XRCC4: variants seen among roughly 807,000 people sequenced by gnomAD.
XRCC4 encodes X-ray repair cross complementing 4.
XRCC4 carries 28 observed loss-of-function variants against 39.1 expected under a neutral mutation model. That is an observed-to-expected ratio of 0.72 (90% CI 0.53 to 0.98). The LOEUF is 0.98. Among genes scored for constraint, XRCC4 ranks in the 50% least tolerant of loss-of-function variants. The probability of loss-of-function intolerance (pLI) is 0.00; values close to 1 mark genes in which losing one functional copy is unlikely to be tolerated. For synonymous variants in XRCC4, 123 were observed against 126.4 expected, an observed-to-expected ratio of 0.97 and a Z score of 0.18; for missense variants, 350 against 376.4, an observed-to-expected ratio of 0.93 and a Z score of 0.58.
chr5:83,109,693 A>G (rs370240569), intron 2 of XRCC4, among the ~76,000 whole-genome samples: 24 of 152,048 alleles, frequency 1.6e-4, no homozygotes, highest in African/African-American at 5.8e-4. Flanking sequence ...AACCAAAGTA[A>G]TTGATGAGAA....
rs1580256694 is a variant in XRCC4, at chr5:83,126,094, T to A, written c.315+14891T>A. 2.0e-5 allele frequency among the ~76,000 whole-genome samples: 3 copies of A among 152,270 alleles called. No homozygotes were observed. In the Middle Eastern group the frequency reaches 0.01, roughly 518 times the overall value. ...CTTACTTTGCCTTTCCACATACACTTTTAAAATCAGTTTTACTCTATTTAT... is the reference window on the plus strand; with the variant it reads ...CTTACTTTGCCTTTCCACATACACTATTAAAATCAGTTTTACTCTATTTAT... On this transcript the variant is annotated intron_variant, in intron 3 of 7. Transcript: ENST00000396027.
At chr5:83,220,531 C>T (rs1247259133) in intron 6 of XRCC4, among the ~76,000 whole-genome samples, 1 of 152,124 alleles carries the variant, frequency 6.6e-6, no homozygotes, top group African/African-American at 2.4e-5. Context: ...CACGACTTAA[C>T]TCTGAGGGCC....
the XRCC4 span, among the ~76,000 whole-genome samples, chr5:83,370,599 T>G: frequency 2.6e-5 from 4 of 152,156 alleles, no homozygotes; most frequent in Non-Finnish European, 4.4e-5. Context: ...CCCTTCCACC[T>G]TTAGCCTACC....
At chr5:83,174,937 T>C (rs1404108298) in intron 3 of XRCC4, among the ~76,000 whole-genome samples, 1 of 152,200 alleles carries the variant, frequency 6.6e-6, no homozygotes, top group East Asian at 1.9e-4. Context: ...GGCCTTATAC[T>C]ACTACTCTCT....
At chr5:83,349,372 C>G (rs903696496) in intron 7 of XRCC4, among the ~76,000 whole-genome samples, 3 of 152,132 alleles carry the variant, frequency 2.0e-5, no homozygotes, top group Non-Finnish European at 4.4e-5. Context: ...TACAAAAAGT[C>G]TAACAATAAA....
chr5:83,206,075 G>A (rs1193588899), intron 6 of XRCC4, among the ~76,000 whole-genome samples: 1 of 151,936 alleles, frequency 6.6e-6, no homozygotes, highest in Admixed American at 6.6e-5. Context: ...CGTGTAGGGC[G>A]ATATAGGCTA....
intron 1 of XRCC4, among the ~76,000 whole-genome samples, chr5:83,099,803 A>G (rs1745841630): frequency 1.3e-5 from 2 of 152,120 alleles, no homozygotes; most frequent in Non-Finnish European, 2.9e-5. Context: ...GCCCTAATCA[A>G]TCAGTCCCTC....
intron 1 of XRCC4, among the ~76,000 whole-genome samples, chr5:83,097,356 T>G (rs1038672419): frequency 5.3e-5 from 8 of 152,016 alleles, no homozygotes; most frequent in African/African-American, 9.7e-5. Flanking sequence ...TTTTGTTTTT[T>G]TTTTTTTCCT....
At chr5:83,229,841 G>A (rs1168403345) in intron 6 of XRCC4, among the ~76,000 whole-genome samples, 4 of 151,498 alleles carry the variant, frequency 2.6e-5, no homozygotes, top group Non-Finnish European at 5.9e-5. Flanking sequence ...TTGAATGTTT[G>A]CATTATTAGA....
intron 6 of XRCC4, among the ~76,000 whole-genome samples, chr5:83,256,076 G>C (rs1753527617): frequency 6.6e-6 from 1 of 152,146 alleles, no homozygotes; most frequent in African/African-American, 2.4e-5. Context: ...CAATAGGCAT[G>C]CATTTTGTCA....
chr5:83,080,163 C>T (rs1404165889), intron 1 of XRCC4, among the ~76,000 whole-genome samples: 1 of 152,038 alleles, frequency 6.6e-6, no homozygotes, highest in Non-Finnish European at 1.5e-5. Flanking sequence ...TACAGTAGTC[C>T]CTCCTTATCT....
intron 3 of XRCC4, among the ~76,000 whole-genome samples, chr5:83,133,743 C>T (rs1355132881): frequency 6.6e-6 from 1 of 152,102 alleles, no homozygotes; most frequent in Non-Finnish European, 1.5e-5. Flanking sequence ...TGGAAAAGCG[C>T]AGTACTAGGG....
chr5:83,296,442 C>CT (rs1160473305), intron 7 of XRCC4, among the ~76,000 whole-genome samples: 12 of 152,084 alleles, frequency 7.9e-5, no homozygotes, highest in African/African-American at 2.2e-4. Context: ...ATAAGAATTT[C>CT]TTTGACAAGG....
At chr5:83,240,030 T>A (rs1042715653) in intron 6 of XRCC4, among the ~76,000 whole-genome samples, 5 of 151,386 alleles carry the variant, frequency 3.3e-5, no homozygotes. Flanking sequence ...ACACTTTACC[T>A]GAATGTGGTA....
At chr5:83,257,132 A>G (rs1753572484) in intron 6 of XRCC4, among the ~76,000 whole-genome samples, 1 of 152,196 alleles carries the variant, frequency 6.6e-6, no homozygotes, top group South Asian at 2.1e-4. Flanking sequence ...CTCAACATGC[A>G]AGCTTTTCTG....
chr5:83,364,275 G>T, the XRCC4 span, among the ~76,000 whole-genome samples: 7 of 152,094 alleles, frequency 4.6e-5, no homozygotes, highest in African/African-American at 7.2e-5. Context: ...ATTTGAGACA[G>T]TATTTCTCAT....
intron 7 of XRCC4, among the ~76,000 whole-genome samples, chr5:83,294,451 G>A (rs1755027778): frequency 6.6e-6 from 1 of 152,020 alleles, no homozygotes; most frequent in African/African-American, 2.4e-5. Context: ...GAAAAGTCAT[G>A]TGCTCCAATT....
At chr5:83,310,494 T>C (rs1459022376) in intron 7 of XRCC4, among the ~76,000 whole-genome samples, 1 of 152,212 alleles carries the variant, frequency 6.6e-6, no homozygotes, top group Non-Finnish European at 1.5e-5. Context: ...TTCACATTTA[T>C]TCTGTGTACC....
At chr5:83,340,018 C>T (rs1372276414) in intron 7 of XRCC4, among the ~76,000 whole-genome samples, 7 of 152,056 alleles carry the variant, frequency 4.6e-5, no homozygotes, top group East Asian at 3.9e-4. Context: ...TGATAGTGGT[C>T]GCGAGCCTGT....
Sources: allele counts gnomAD v4.1 joint callset (sites outside exome capture counted in the v4.1 genomes callset), GRCh38; gene constraint gnomAD v4.1.1; transcripts MANE v1.5; gene names NCBI Gene and HGNC (gene_info 2026-07-23, HGNC 2026-07-21).